OPLAH: variants seen among roughly 807,000 people sequenced by gnomAD.
The protein encoded by OPLAH is 5-oxoprolinase.
OPLAH carries 103 observed loss-of-function variants against 122.8 expected under a neutral mutation model. The ratio of observed to expected loss-of-function variants is 0.84; its 90% CI spans 0.71 to 0.99. The LOEUF is 0.99. Among genes scored for constraint, OPLAH ranks in the 50% least tolerant of loss-of-function variants. The pLI is 0.00. For synonymous variants in OPLAH, 875 were observed against 796.0 expected (o/e 1.10, Z -1.67); for missense variants, 1,902 against 1,836.5 (o/e 1.04, Z -0.65).
rs1554757996 is a variant in OPLAH at position 144,052,742 on chromosome 8, C to G, written c.3153+24G>C. On this transcript the variant is annotated intron_variant, in intron 22 of 26. Coordinates refer to ENST00000618853, the MANE Select transcript of OPLAH (RefSeq NM_017570.5). ...AGGGTGACCTCGGGCTGGGGCCCCC[C>G]CTCGCGCACACACCCCTGCGAACCT... 2.6e-6 allele frequency: 4 copies of G among 1,559,572 alleles called. No homozygotes were observed. In the South Asian group the frequency reaches 4.7e-5, roughly 18 times the overall value.
chr8:144,063,527 C>T (rs573828018), upstream of OPLAH, among the ~76,000 whole-genome samples: 2 of 152,348 alleles, frequency 1.3e-5, no homozygotes, highest in South Asian at 4.1e-4. This position sits in a 1 kb window ranked among gnomAD's most constrained non-coding sequence, Gnocchi z 4.2. Context: ...CCCAGCCTGG[C>T]AGCTCCCTCG....
chr8:144,057,297 G>C lies in OPLAH; in HGVS notation c.1446C>G (p.Ala482=), dbSNP rs1554759511. The part of the protein sequence containing the change: ...LTQARGHDPS[A]HVLACFGGAG... ...CTCCCCCAAAGCAGGCCAGCACATGGGCTGAGGGGTCATGGCCTCTTGCCT... is the reference window on the plus strand; with the variant it reads ...CTCCCCCAAAGCAGGCCAGCACATGCGCTGAGGGGTCATGGCCTCTTGCCT... Residue 482 remains alanine, a synonymous_variant, in exon 11 of 27, where the codon GCC becomes GCG. Transcript: ENST00000618853. 2 of 1,612,300 alleles carry C rather than the reference G, an allele frequency of 1.2e-6. No individual in the cohort carries two copies. Among genetic ancestry groups the C allele is most frequent in the South Asian group, 2.2e-5 (2 of 90,992 alleles).
Position 144,060,018 on chromosome 8 carries a change from C to T in OPLAH, c.15G>A (p.Glu5=). ...GGTCGATGGCAAAGTGGAAGCGGCC[C>T]TCGGGGCTGCCCATGGTGGTGGGGC... The part of the protein sequence containing the change: MGSP[E]GRFHFAIDRG... Residue 5 remains glutamate, a synonymous_variant, in exon 2 of 27, where the codon GAG becomes GAA. Coordinates refer to ENST00000618853, the MANE Select transcript of OPLAH (RefSeq NM_017570.5). 1 of 1,612,236 alleles carries T rather than the reference C, an allele frequency of 6.2e-7. No homozygotes were observed. The highest frequency in any genetic ancestry group is 8.5e-7 in the Non-Finnish European group (1 of 1,179,628).
At chr8:144,050,363 G>A (rs1587546960), downstream of OPLAH, 1 of 978,046 alleles carries the variant, frequency 1.0e-6, no homozygotes, top group Non-Finnish European at 1.2e-6. Context: ...GAGAAGTTTG[G>A]GGCCGAGAAG....
At chr8:144,062,770 C>T (rs1429314919), upstream of OPLAH, among the ~76,000 whole-genome samples, 3 of 151,878 alleles carry the variant, frequency 2.0e-5, no homozygotes, top group East Asian at 1.9e-4. Context: ...CAGCCACCCC[C>T]TCGCCTCTCT....
rs1835486756 is a variant in OPLAH at position 144,055,342 on chromosome 8, A to G, written c.2249-153T>C. ...GGAAGACCAAGTTGACGGTGTGCCC[A>G]CTTGGCCACGTCTTAGCCTATGTAA... is the stretch of plus-strand genomic sequence containing the variant. On this transcript the variant is annotated intron_variant, in intron 16 of 26. Coordinates refer to ENST00000618853, the MANE Select transcript of OPLAH (RefSeq NM_017570.5). The surrounding 1 kb of genome is among the most constrained non-coding windows in gnomAD (Gnocchi z 6.5). Among the ~76,000 whole-genome samples the G allele has an allele frequency of 6.6e-6, 1 of 151,716 alleles. No individual in the cohort carries two copies. Among genetic ancestry groups the G allele is most frequent in the Non-Finnish European group, 1.5e-5 (1 of 67,948 alleles).
Position 144,058,962 on chromosome 8 carries a change from C to T in OPLAH, c.463+18G>A, listed in dbSNP as rs1224212616. On this transcript the variant is annotated intron_variant, in intron 4 of 26. Transcript: ENST00000618853. ...GACCCTCCGGCCCCAAATCCCACAGCAGCGGCGGCACACACACCTTTCACA... is the reference window on the plus strand; with the variant it reads ...GACCCTCCGGCCCCAAATCCCACAGTAGCGGCGGCACACACACCTTTCACA... 1.3e-6 allele frequency: 2 copies of T among 1,558,532 alleles called. No individual in the cohort carries two copies. The highest frequency in any genetic ancestry group is 1.9e-5 in the Admixed American group (1 of 51,854).
At chr8:144,053,570 G>A (rs1587553863) in intron 19 of OPLAH, among the ~76,000 whole-genome samples, 177 bp from the exon 20 acceptor site, 1 of 152,090 alleles carries the variant, frequency 6.6e-6, no homozygotes, top group Non-Finnish European at 1.5e-5. Flanking sequence ...CCCCTCTGAG[G>A]CAGCCACAAG....
At chr8:144,050,426 T>C, downstream of OPLAH, 1 of 985,600 alleles carries the variant, frequency 1.0e-6, no homozygotes. Flanking sequence ...AGCGTGCTCC[T>C]GGGCGACCTA....
intron 11 of OPLAH, 35 bp from the exon 12 acceptor site, chr8:144,057,153 C>T (rs782278165): frequency 6.3e-7 from 1 of 1,594,708 alleles, no homozygotes; most frequent in South Asian, 1.1e-5. Context: ...TGGGAGGTCA[C>T]CTCCCAAGCC....
rs1475204425 is a variant in OPLAH, at chr8:144,051,452, C to A, written c.3741G>T (p.Thr1247=). The A allele has an allele frequency of 2.7e-6, 3 of 1,093,774 alleles. No individual in the cohort carries two copies. The highest frequency in any genetic ancestry group is 3.5e-6 in the Non-Finnish European group (3 of 854,616). 67.8% of individuals were successfully genotyped at this position (1,093,774 alleles called of 1,614,324 possible). Residue 1247 remains threonine, a synonymous_variant, in exon 27 of 27, where the codon ACG becomes ACT. Transcript: ENST00000618853. ...GGTCCCCATAGCCACCGCCGCCGGG[C>A]GTGTGGAGACAGAACACATCCTGTT... ...VYPGDVFCLH[T]PGGGGYGDPE...
At chr8:144,061,744 C>T (rs782438918), upstream of OPLAH, among the ~76,000 whole-genome samples, 9 of 152,222 alleles carry the variant, frequency 5.9e-5, no homozygotes, top group Non-Finnish European at 1.3e-4. Flanking sequence ...GGCAACCGGC[C>T]TGGCACGGTG....
Position 144,057,897 on chromosome 8 carries a change from TCGGGC to T in OPLAH, c.1110_1114del (p.Pro371ValfsTer23). ...GGGTCCTGGGTGGGCTCCTGCTGAC[TCGGGC>T]CCAACCACAAAGAGGCCAGACCTAG... On this transcript the variant is annotated frameshift_variant, in exon 9 of 27. Coordinates refer to ENST00000618853, the MANE Select transcript of OPLAH (RefSeq NM_017570.5). LOFTEE classifies it high-confidence loss of function. 6.2e-7 allele frequency: 1 copy of T among 1,611,866 alleles called. No individual in the cohort carries two copies. The highest frequency in any genetic ancestry group is 8.5e-7 in the Non-Finnish European group (1 of 1,179,566).
Position 144,058,868 on chromosome 8 carries a change from C to G in OPLAH, c.492G>C (p.Gln164His), listed in dbSNP as rs1554760188. 6.4e-7 allele frequency: 1 copy of G among 1,562,614 alleles called. No homozygotes were observed. The highest frequency in any genetic ancestry group is 1.2e-5 in the South Asian group (1 of 85,436). Residue 164 changes from glutamine (Q) to histidine (H), a missense_variant, in exon 5 of 27, where the codon CAG becomes CAC. Physicochemically the swap from Gln to His is conservative, Grantham distance 24 (BLOSUM62 0). Coordinates refer to ENST00000618853, the MANE Select transcript of OPLAH (RefSeq NM_017570.5). ...KGRTGDLLEV[Q>H]QPVDLGALRG... ...GCAGGGCCCCCAGGTCCACAGGCTG[C>G]TGCACTTCCAGCAGGTCCCCCGTGC...
upstream of OPLAH, among the ~76,000 whole-genome samples, chr8:144,061,596 T>C (rs1835664569): frequency 6.6e-6 from 1 of 151,944 alleles, no homozygotes; most frequent in Admixed American, 6.6e-5. Context: ...AAAACCATCG[T>C]CCTACACTCC....
intron 15 of OPLAH, 83 bp from the exon 16 acceptor site, chr8:144,056,022 C>A: frequency 6.7e-7 from 1 of 1,492,296 alleles, no homozygotes; most frequent in Non-Finnish European, 9.0e-7. Flanking sequence ...AGGCCAGGGG[C>A]CACCCCAACG....
At position 144,054,653 on chromosome 8, in the gene OPLAH, C is replaced by G. The variant is rs781807633; in HGVS notation, c.2594G>C (p.Gly865Ala). 1.2e-6 allele frequency: 2 copies of G among 1,612,274 alleles called. No individual in the cohort carries two copies. The highest frequency in any genetic ancestry group is 2.7e-5 in the African/African-American group (2 of 74,884). The change falls in exon 19 of 27, where the codon GGC becomes GCC. Residue 865 changes from glycine (G) to alanine (A), a missense_variant. Physicochemically the swap from Gly to Ala is moderately conservative, Grantham distance 60. Transcript: ENST00000618853. ...HHADIGGITP[G>A]SMPPHSTMLQ... The stretch of plus-strand genomic sequence containing the variant: ...CATGGTGGAGTGGGGGGGCATGGAG[C>G]CTGGTGTGATGCCCCCGATGTCTGC...
rs376801273 is a variant in OPLAH, at chr8:144,054,887, G to A, written c.2436C>T (p.His812=). 292 of 1,609,838 alleles carry A rather than the reference G, an allele frequency of 1.8e-4. No homozygotes were observed. The highest frequency in any genetic ancestry group is 2.4e-4 in the Non-Finnish European group (287 of 1,178,386). ...GGTTGCTCAGTAGCACGTCGCCAGGGTGGAGATCGGCCCCCAGGTGCTGAA... is the reference window on the plus strand; with the variant it reads ...GGTTGCTCAGTAGCACGTCGCCAGGATGGAGATCGGCCCCCAGGTGCTGAA... The part of the protein sequence containing the change: ...FQIQHLGADL[H]PGDVLLSNHP... The change falls in exon 18 of 27, where the codon CAC becomes CAT. Residue 812 remains histidine, a synonymous_variant. Coordinates refer to ENST00000618853, the MANE Select transcript of OPLAH (RefSeq NM_017570.5).
chr8:144,055,051 A>G lies in OPLAH; in HGVS notation c.2387T>C (p.Met796Thr). The G allele has an allele frequency of 2.0e-6, 3 of 1,529,228 alleles. No homozygotes were observed. Among genetic ancestry groups the G allele is most frequent in the Admixed American group, 2.0e-5 (1 of 50,896 alleles). 94.7% of individuals were successfully genotyped at this position (1,529,228 alleles called of 1,614,324 possible). ...CACCTGGAACTGCACCGTCTCCTGCATGGCACCCAGGTGCACAGGGATGTG... is the reference window on the plus strand; with the variant it reads ...CACCTGGAACTGCACCGTCTCCTGCGTGGCACCCAGGTGCACAGGGATGTG... ...APHIPVHLGA[M>T]QETVQFQIQH... is the part of the protein sequence containing the mutation. Residue 796 changes from methionine to threonine, a missense_variant, in exon 17 of 27, where the codon ATG becomes ACG. By Grantham distance (81) the Met-to-Thr change is moderately conservative. This residue lies in a region of OPLAH where 1,726 missense variants were observed against 1,642.1 expected (regional missense o/e 1.05). Coordinates refer to ENST00000618853, the MANE Select transcript of OPLAH (RefSeq NM_017570.5). The surrounding 1 kb of genome is among the most constrained non-coding windows in gnomAD (Gnocchi z 6.5).
Sources: gnomAD v4.1 joint callset for allele counts (sites outside exome capture counted in the v4.1 genomes callset) on GRCh38, gnomAD v4.1.1 for gene constraint, gnomAD v4.1.1 regional missense constraint, Gnocchi (gnomAD v3.1) non-coding constraint, MANE v1.5 for transcripts, NCBI Gene and HGNC (gene_info 2026-07-23, HGNC 2026-07-21) for gene names.